Variants in GABRA6 observed in about 807,000 individuals in gnomAD.
The protein encoded by GABRA6 is gamma-aminobutyric acid receptor subunit alpha-6.
GABRA6 carries 45 observed loss-of-function variants against 47.3 expected under a neutral mutation model. The observed-to-expected ratio is 0.95, with a 90% CI of 0.75 to 1.22. GABRA6 has a LOEUF of 1.22. Ranked by LOEUF, GABRA6 falls within the 50% of genes most tolerant of loss-of-function variation. The pLI, the probability that GABRA6 is intolerant of heterozygous loss-of-function variation, is 0.00. For synonymous variants in GABRA6, 219 were observed against 194.7 expected (o/e 1.12, Z -1.04); for missense variants, 583 against 549.3 (o/e 1.06, Z -0.61).
intron 5 of GABRA6, 68 bp from the exon 6 acceptor site, chr5:161,689,568 G>T (rs937187864): frequency 1.5e-6 from 2 of 1,360,102 alleles, no homozygotes; most frequent in African/African-American, 2.9e-5. Flanking sequence ...TAGACAATGT[G>T]CACTTTGAAG....
At chr5:161,691,783 TATG>T (rs1231609182) in intron 7 of GABRA6, among the ~76,000 whole-genome samples, 155 bp from the exon 8 acceptor site, 5 of 152,036 alleles carry the variant, frequency 3.3e-5, no homozygotes, top group Admixed American at 6.6e-5. Flanking sequence ...TGATAATACT[TATG>T]ATAATAATTA....
In GABRA6 at chr5:161,689,692, G is replaced by C; in HGVS notation, c.586G>C (p.Val196Leu). ...YTWKKGPLYS[V>L]EVPEESSSLL... ...GTGGAAAAAAGGACCACTTTACTCA[G>C]TAGAAGTCCCAGAAGAATCTTCAAG... Residue 196 changes from valine to leucine, a missense_variant, in exon 6 of 9, where the codon GTA becomes CTA. Physicochemically the swap from Val to Leu is conservative, Grantham distance 32. Transcript: ENST00000274545. The C allele has an allele frequency of 6.2e-7, 1 of 1,611,204 alleles. No individual in the cohort carries two copies. Among genetic ancestry groups the C allele is most frequent in the Non-Finnish European group, 8.5e-7 (1 of 1,177,474 alleles).
chr5:161,688,916 T>A (rs375959179), intron 3 of GABRA6, 33 bp from the exon 4 acceptor site: 70 of 1,567,854 alleles, frequency 4.5e-5, no homozygotes, highest in Non-Finnish European at 5.8e-5. Context: ...AAACTATCTT[T>A]CCAGCCCACA....
At chr5:161,694,863 AT>A (rs1293002737) in intron 8 of GABRA6, among the ~76,000 whole-genome samples, 1 of 152,178 alleles carries the variant, frequency 6.6e-6, no homozygotes, top group Non-Finnish European at 1.5e-5. Context: ...TTTGCATTAC[AT>A]TTGTTCGTGT....
intron 8 of GABRA6, among the ~76,000 whole-genome samples, chr5:161,699,793 CTCT>C: frequency 6.6e-6 from 1 of 152,104 alleles, no homozygotes; most frequent in East Asian, 1.9e-4. Flanking sequence ...CCCTCATCTC[CTCT>C]TCAAGAGCAG....
At position 161,701,688 on chromosome 5, in the gene GABRA6, C is replaced by G. The variant is rs150186322; in HGVS notation, c.1277C>G (p.Pro426Arg). The G allele has an allele frequency of 1.8e-4, 297 of 1,614,054 alleles. No homozygotes were observed. The highest frequency in any genetic ancestry group is 8.0e-4 in the Admixed American group (48 of 60,000). Reference protein sequence around the residue: ...KIDQYSRILFPVAFAGFNLVY... With the variant: ...KIDQYSRILFRVAFAGFNLVY... ...GACCAGTATTCTCGAATTCTCTTCC[C>G]AGTTGCATTTGCAGGATTCAACCTT... Residue 426 changes from proline to arginine, a missense_variant, in exon 9 of 9, where the codon CCA becomes CGA. Pro to Arg is a moderately radical substitution (Grantham distance 103). Coordinates refer to ENST00000274545, the MANE Select transcript of GABRA6 (RefSeq NM_000811.3).
chr5:161,688,412 T>C (rs1292732551), intron 3 of GABRA6, among the ~76,000 whole-genome samples: 1 of 152,198 alleles, frequency 6.6e-6, no homozygotes, highest in African/African-American at 2.4e-5. Context: ...ATAGTCACGG[T>C]AACACTTGTT....
intron 8 of GABRA6, among the ~76,000 whole-genome samples, chr5:161,700,335 A>G (rs1486159127): frequency 6.6e-6 from 1 of 152,208 alleles, no homozygotes; most frequent in Non-Finnish European, 1.5e-5. Flanking sequence ...GCCATTTTAC[A>G]ATATCAGGGG....
At chr5:161,688,162 C>T (rs1385434351) in intron 3 of GABRA6, among the ~76,000 whole-genome samples, 1 of 151,978 alleles carries the variant, frequency 6.6e-6, no homozygotes, top group African/African-American at 2.4e-5. Flanking sequence ...GGATATATTG[C>T]TTGTCAAATT....
intron 3 of GABRA6, chr5:161,687,603 G>T (rs1484166763): frequency 2.2e-6 from 1 of 448,048 alleles, no homozygotes; most frequent in Non-Finnish European, 4.5e-6. Flanking sequence ...TTAGAACAAA[G>T]TGTATCATGG....
intron 8 of GABRA6, among the ~76,000 whole-genome samples, chr5:161,696,085 C>G (rs1263175946): frequency 1.3e-5 from 2 of 152,148 alleles, no homozygotes; most frequent in Non-Finnish European, 2.9e-5. Context: ...AAGTGTCTAA[C>G]TCAGTCTGGA....
chr5:161,701,115 C>T (rs1437942869), intron 8 of GABRA6, among the ~76,000 whole-genome samples: 1 of 152,124 alleles, frequency 6.6e-6, no homozygotes, highest in East Asian at 1.9e-4. Context: ...ACCCCTCCTC[C>T]CAATACACAC....
chr5:161,692,217 T>G lies in GABRA6; in HGVS notation c.1086+17T>G. 1 of 1,614,206 alleles carries G rather than the reference T, an allele frequency of 6.2e-7. No homozygotes were observed. Among genetic ancestry groups the G allele is most frequent in the South Asian group, 1.1e-5 (1 of 91,078 alleles). On this transcript the variant is annotated intron_variant, in intron 8 of 8. Coordinates refer to ENST00000274545, the MANE Select transcript of GABRA6 (RefSeq NM_000811.3). ...ATTGTTTTGGTAATTGTTTACTTTTTCTATCATTACCTACCGTAGGAAAAA... is the reference window on the plus strand; with the variant it reads ...ATTGTTTTGGTAATTGTTTACTTTTGCTATCATTACCTACCGTAGGAAAAA...
Position 161,701,575 on chromosome 5 carries a change from T to A in GABRA6, c.1164T>A (p.Asn388Lys). ...SLPIVSSSEA[N>K]KVLTRAPILQ... The stretch of plus-strand genomic sequence containing the variant: ...CAATAGTTTCATCTTCCGAGGCCAA[T>A]AAAGTGCTCACGAGAGCGCCCATCT... The change falls in exon 9 of 9, where the codon AAT becomes AAA. Residue 388 changes from asparagine (N) to lysine (K), a missense_variant. Asn to Lys is a moderately conservative substitution (Grantham distance 94, BLOSUM62 0). Transcript: ENST00000274545. 1 of 1,614,168 alleles carries A rather than the reference T, an allele frequency of 6.2e-7. No homozygotes were observed. The highest frequency in any genetic ancestry group is 1.1e-5 in the South Asian group (1 of 91,084).
At chr5:161,686,892 A>C in intron 2 of GABRA6, 44 bp from the exon 3 acceptor site, 1 of 1,532,042 alleles carries the variant, frequency 6.5e-7, no homozygotes, top group Non-Finnish European at 9.0e-7. Context: ...AATCCCCTTA[A>C]CATCAGTGGT....
intron 8 of GABRA6, among the ~76,000 whole-genome samples, chr5:161,695,572 A>T (rs1754872863): frequency 6.6e-6 from 1 of 151,918 alleles, no homozygotes; most frequent in Non-Finnish European, 1.5e-5. Flanking sequence ...GTTTTTGCAT[A>T]GTTTGCTAGT....
chr5:161,686,475 G>A, intron 2 of GABRA6, 127 bp downstream of exon 2: 2 of 783,160 alleles, frequency 2.6e-6, no homozygotes, highest in Non-Finnish European at 2.3e-6. Context: ...GAGACCATGG[G>A]TATGTTCCCA....
chr5:161,701,223 C>T (rs1375847412), intron 8 of GABRA6, among the ~76,000 whole-genome samples: 2 of 152,118 alleles, frequency 1.3e-5, no homozygotes, highest in Non-Finnish European at 2.9e-5. Flanking sequence ...CAATGCTTAC[C>T]GTAGTTCTAT....
At chr5:161,694,193 A>C (rs892522799) in intron 8 of GABRA6, among the ~76,000 whole-genome samples, 1 of 151,956 alleles carries the variant, frequency 6.6e-6, no homozygotes, top group African/African-American at 2.4e-5. Context: ...GCATATAAGT[A>C]TATAATCTAT....
Sources: allele counts gnomAD v4.1 joint callset (sites outside exome capture counted in the v4.1 genomes callset), GRCh38; gene constraint gnomAD v4.1.1; transcripts MANE v1.5; gene names NCBI Gene and HGNC (gene_info 2026-07-23, HGNC 2026-07-21).